Variants in HS3ST3B1 observed in about 807,000 individuals in gnomAD.
HS3ST3B1 encodes the protein heparan sulfate glucosamine 3-O-sulfotransferase 3B1.
In HS3ST3B1, 13 loss-of-function variants were observed where a neutral mutation model predicts 21.3. That is an observed-to-expected ratio of 0.61 (90% CI 0.40 to 0.97). HS3ST3B1 has a LOEUF of 0.97. HS3ST3B1 is among the 50% of genes least tolerant of loss of function. HS3ST3B1 has a pLI of 0.00. For synonymous variants in HS3ST3B1, 234 were observed against 254.8 expected (o/e 0.92, Z 0.78); for missense variants, 459 against 554.8 (o/e 0.83, Z 1.73).
intron 1 of HS3ST3B1, among the ~76,000 whole-genome samples, chr17:14,318,292 G>A (rs945303165): frequency 6.6e-6 from 1 of 152,204 alleles, no homozygotes; most frequent in Non-Finnish European, 1.5e-5. Context: ...TGCTGAGAGA[G>A]GATCCCTGTC....
Position 14,348,963 on chromosome 17 carries a change from C to T in HS3ST3B1, c.*3317C>T, listed in dbSNP as rs1051250901. The T allele has an allele frequency of 2.0e-5, 3 of 152,056 alleles. No individual in the cohort carries two copies. The highest frequency in any genetic ancestry group is 1.3e-4 in the Admixed American group (2 of 15,268). The allele number at this position is 152,056 out of a possible 1,614,324, so 9.4% of individuals were successfully genotyped here. ...TCTCTTTGGGGGTCATTTTGTGTGACAGATATATTTTAGACATTTGGAGAA... is the reference window on the plus strand; with the variant it reads ...TCTCTTTGGGGGTCATTTTGTGTGATAGATATATTTTAGACATTTGGAGAA... On this transcript the variant is annotated 3_prime_UTR_variant, in exon 2 of 2. Coordinates refer to ENST00000360954, the MANE Select transcript of HS3ST3B1 (RefSeq NM_006041.3).
chr17:14,318,097 T>C (rs549717882), intron 1 of HS3ST3B1, among the ~76,000 whole-genome samples: 25 of 152,242 alleles, frequency 1.6e-4, no homozygotes, highest in African/African-American at 5.8e-4. Flanking sequence ...TGCTGCCTCC[T>C]TGGGTAGCTT....
At chr17:14,330,550 GGTGTGT>G (rs60767866) in intron 1 of HS3ST3B1, among the ~76,000 whole-genome samples, 20 of 144,166 alleles carry the variant, frequency 1.4e-4, no homozygotes, top group Admixed American at 3.5e-4. Flanking sequence ...CTGGTTTCCC[GGTGTGT>G]GTGTGTGTGT....
intron 1 of HS3ST3B1, among the ~76,000 whole-genome samples, chr17:14,309,821 T>G (rs1304173527): frequency 1.3e-5 from 2 of 152,196 alleles, no homozygotes; most frequent in Non-Finnish European, 2.9e-5. Flanking sequence ...CAGCCCTGGC[T>G]GGCAGGACCC....
intron 1 of HS3ST3B1, among the ~76,000 whole-genome samples, chr17:14,325,372 G>A (rs1001722288): frequency 6.6e-6 from 1 of 152,196 alleles, no homozygotes; most frequent in African/African-American, 2.4e-5. Flanking sequence ...TGGTTCAAAG[G>A]AGAAGTCAAA....
chr17:14,301,595 C>T lies in HS3ST3B1; in HGVS notation c.77C>T (p.Pro26Leu), dbSNP rs755307808. Residue 26 changes from proline (P) to leucine (L), a missense_variant, in exon 1 of 2, where the codon CCG becomes CTG. Pro to Leu is a moderately conservative substitution (Grantham distance 98). Coordinates refer to ENST00000360954, the MANE Select transcript of HS3ST3B1 (RefSeq NM_006041.3). ...GRLLPQPPPP[P>L]PPVRRKLALL... ...CTCCTACCGCAGCCGCCGCCGCCCC[C>T]GCCGCCGGTGAGGAGGAAGCTCGCG... The T allele has an allele frequency of 2.5e-6, 4 of 1,602,860 alleles. No individual in the cohort carries two copies. The highest frequency in any genetic ancestry group is 1.1e-5 in the South Asian group (1 of 90,646).
At chr17:14,336,431 C>T (rs983225476) in intron 1 of HS3ST3B1, among the ~76,000 whole-genome samples, 5 of 152,146 alleles carry the variant, frequency 3.3e-5, no homozygotes, top group African/African-American at 9.7e-5. Flanking sequence ...TTTAGAACTG[C>T]TCTGGTTCAT....
chr17:14,334,498 G>A lies in HS3ST3B1; in HGVS notation c.555-10530G>A, dbSNP rs114071681. 4.1e-3 allele frequency among the ~76,000 whole-genome samples: 626 copies of A among 152,090 alleles called. 3 individuals are homozygous for A. The highest frequency in any genetic ancestry group is 0.013 in the African/African-American group (549 of 41,470). On this transcript the variant is annotated intron_variant, in intron 1 of 1. Transcript: ENST00000360954. ...CCTCTGAGGAACTGAGATTACAGGC[G>A]TGCCAGCACACCAGGCTCATCAGGG...
At position 14,301,573 on chromosome 17, in the gene HS3ST3B1, C is replaced by T; in HGVS notation, c.55C>T (p.Leu19=). ...RSCLDVPGRL[L]PQPPPPPPPV... ...TTGCCTCGATGTCCCCGGCCGGCTC[C>T]TACCGCAGCCGCCGCCGCCCCCGCC... The change falls in exon 1 of 2, where the codon CTA becomes TTA. Residue 19 remains leucine (L), a synonymous_variant. Transcript: ENST00000360954. 6.3e-7 allele frequency: 1 copy of T among 1,596,892 alleles called. No homozygotes were observed. Among genetic ancestry groups the T allele is most frequent in the Non-Finnish European group, 8.5e-7 (1 of 1,177,504 alleles).
chr17:14,325,934 A>G (rs77297085), intron 1 of HS3ST3B1, among the ~76,000 whole-genome samples: 7,358 of 152,232 alleles, frequency 0.048, 337 homozygotes, highest in Admixed American at 0.15. Flanking sequence ...TATTTTTGCC[A>G]CAGTGCAAAT....
intron 1 of HS3ST3B1, among the ~76,000 whole-genome samples, chr17:14,344,023 A>G (rs970692914): frequency 1.3e-5 from 2 of 151,880 alleles, no homozygotes; most frequent in African/African-American, 2.4e-5. Context: ...CAGCCTCCCA[A>G]GTAGCTGGGA....
At chr17:14,313,310 A>G (rs1207964641) in intron 1 of HS3ST3B1, among the ~76,000 whole-genome samples, 1 of 151,496 alleles carries the variant, frequency 6.6e-6, no homozygotes, top group East Asian at 2.0e-4. Context: ...CCCCAACTTT[A>G]TGCGCTCCAC....
At chr17:14,332,599 G>A (rs963759051) in intron 1 of HS3ST3B1, among the ~76,000 whole-genome samples, 3 of 152,072 alleles carry the variant, frequency 2.0e-5, no homozygotes, top group Non-Finnish European at 4.4e-5. Context: ...CTGGTCCACG[G>A]AATGCGGAGA....
chr17:14,332,079 G>A (rs1022684854), intron 1 of HS3ST3B1, among the ~76,000 whole-genome samples: 31 of 152,060 alleles, frequency 2.0e-4, no homozygotes, highest in Admixed American at 5.2e-4. Flanking sequence ...CTTCCTTTTC[G>A]CATCCCTGGC....
chr17:14,326,610 C>A (rs958790694), intron 1 of HS3ST3B1, among the ~76,000 whole-genome samples: 1 of 152,144 alleles, frequency 6.6e-6, no homozygotes, highest in African/African-American at 2.4e-5. Flanking sequence ...TTCCTGATTT[C>A]TTCACTTCCA....
rs756650828 is a variant in HS3ST3B1 at position 14,345,683 on chromosome 17, T to C, written c.*37T>C. ...CTATGTACCTTACCCACGTGGCTTA[T>C]CTATTGACAGAGATTATATGTATGT... On this transcript the variant is annotated 3_prime_UTR_variant, in exon 2 of 2. Coordinates refer to ENST00000360954, the MANE Select transcript of HS3ST3B1 (RefSeq NM_006041.3). The C allele has an allele frequency of 6.3e-6, 10 of 1,593,948 alleles. No homozygotes were observed. Among genetic ancestry groups the C allele is most frequent in the South Asian group, 1.1e-5 (1 of 89,168 alleles).
chr17:14,329,967 A>G (rs1281616078), intron 1 of HS3ST3B1, among the ~76,000 whole-genome samples: 1 of 152,230 alleles, frequency 6.6e-6, no homozygotes, highest in Non-Finnish European at 1.5e-5. Context: ...TCTACAAACT[A>G]CACTGGATTC....
intron 1 of HS3ST3B1, among the ~76,000 whole-genome samples, chr17:14,323,177 A>T (rs138790584): frequency 0.024 from 3,678 of 152,138 alleles, 158 homozygotes; most frequent in African/African-American, 0.075. Flanking sequence ...AAGTGTTGGG[A>T]TTACAGGCGT....
chr17:14,342,434 C>T (rs1910417303), intron 1 of HS3ST3B1, among the ~76,000 whole-genome samples: 2 of 151,762 alleles, frequency 1.3e-5, no homozygotes, highest in Non-Finnish European at 2.9e-5. Context: ...GCTTAGTATC[C>T]ACTTAGTTAA....
Sources: gnomAD v4.1 joint callset for allele counts (sites outside exome capture counted in the v4.1 genomes callset) on GRCh38, gnomAD v4.1.1 for gene constraint, MANE v1.5 for transcripts, NCBI Gene and HGNC (gene_info 2026-07-23, HGNC 2026-07-21) for gene names.